The following WWOX variants were observed in gnomAD, a reference collection of about 807,000 sequenced individuals.
WWOX encodes the protein WW domain-containing oxidoreductase.
WWOX carries 69 observed loss-of-function variants against 46.2 expected under a neutral mutation model. That is an observed-to-expected ratio of 1.49 (90% CI 1.23 to 1.82). The LOEUF (loss-of-function observed/expected upper bound fraction) is 1.82, where lower values mean the gene tolerates loss of function less well. Among genes scored for constraint, WWOX ranks in the 40% most tolerant of loss-of-function variants. WWOX has a pLI of 0.00. For synonymous variants in WWOX, 359 were observed against 202.6 expected (o/e 1.77, Z -6.56); for missense variants, 919 against 542.6 (o/e 1.69, Z -6.89).
At chr16:78,705,258 G>A (rs1346723071) in intron 8 of WWOX, among the ~76,000 whole-genome samples, 1 of 152,040 alleles carries the variant, frequency 6.6e-6, no homozygotes, top group East Asian at 1.9e-4. Context: ...TATGCATATT[G>A]TTTACATTTA....
At chr16:78,844,788 C>A (rs2052254535) in intron 8 of WWOX, among the ~76,000 whole-genome samples, 1 of 152,266 alleles carries the variant, frequency 6.6e-6, no homozygotes, top group Middle Eastern at 3.4e-3. Context: ...ATTTATGTAT[C>A]CCCGGCCAGA....
chr16:78,842,369 G>A, intron 8 of WWOX, among the ~76,000 whole-genome samples: 1 of 151,918 alleles, frequency 6.6e-6, no homozygotes, highest in East Asian at 1.9e-4. Context: ...TGGGCTTGGT[G>A]GTGCACACCT....
chr16:78,949,116 C>G (rs896300143), intron 8 of WWOX, among the ~76,000 whole-genome samples: 6 of 152,160 alleles, frequency 3.9e-5, no homozygotes, highest in Non-Finnish European at 7.3e-5. Flanking sequence ...AGTTCTGCAA[C>G]TGCATGGAGC....
At chr16:78,652,613 T>C (rs1319145324) in intron 8 of WWOX, among the ~76,000 whole-genome samples, 4 of 152,142 alleles carry the variant, frequency 2.6e-5, no homozygotes, top group African/African-American at 9.7e-5. Context: ...CCTGGACAGC[T>C]CCTGCCATCA....
In WWOX at chr16:78,424,944, C is replaced by A; in HGVS notation, c.680C>A (p.Thr227Asn). 2 of 1,614,120 alleles carry A rather than the reference C, an allele frequency of 1.2e-6. No individual in the cohort carries two copies. The highest frequency in any genetic ancestry group is 1.7e-6 in the Non-Finnish European group (2 of 1,180,032). The part of the protein sequence containing the change: ...PWSLTKDGLE[T>N]TFQVNHLGHF... ...AGTCTCACCAAAGATGGCCTGGAGA[C>A]CACCTTTCAAGTGAATCATCTGGGG... is the stretch of plus-strand genomic sequence containing the variant. Residue 227 changes from threonine to asparagine, a missense_variant, in exon 7 of 9, where the codon ACC becomes AAC. By Grantham distance (65) the Thr-to-Asn change is moderately conservative. Coordinates refer to ENST00000566780, the MANE Select transcript of WWOX (RefSeq NM_016373.4).
At chr16:78,841,463 A>G (rs2052147803) in intron 8 of WWOX, among the ~76,000 whole-genome samples, 1 of 152,214 alleles carries the variant, frequency 6.6e-6, no homozygotes, top group Non-Finnish European at 1.5e-5. Flanking sequence ...GACCGTGGTG[A>G]GAATATTTAC....
chr16:78,631,290 T>C (rs570375331), intron 8 of WWOX, among the ~76,000 whole-genome samples: 80 of 152,220 alleles, frequency 5.3e-4, no homozygotes, highest in African/African-American at 1.9e-3. Flanking sequence ...CTCCGTGGCT[T>C]GTGTCAAGGC....
intron 8 of WWOX, among the ~76,000 whole-genome samples, chr16:78,808,817 A>T (rs539345816): frequency 6.6e-6 from 1 of 152,238 alleles, no homozygotes; most frequent in African/African-American, 2.4e-5. Context: ...CTAAACTGCT[A>T]TTTTATGTCC....
intron 8 of WWOX, among the ~76,000 whole-genome samples, chr16:78,859,849 A>T (rs1567609148): frequency 6.6e-6 from 1 of 152,034 alleles, no homozygotes; most frequent in Non-Finnish European, 1.5e-5. Context: ...TTTTTTTTTT[A>T]AAGACATTAT....
At chr16:78,167,952 A>G (rs2035027527) in intron 5 of WWOX, 1 of 152,088 alleles carries the variant, frequency 6.6e-6, no homozygotes, top group Admixed American at 6.5e-5. Flanking sequence ...TCAATTTGAT[A>G]GACTCCAATT....
At chr16:79,184,736 A>G (rs1021809832) in intron 8 of WWOX, among the ~76,000 whole-genome samples, 1 of 152,234 alleles carries the variant, frequency 6.6e-6, no homozygotes, top group Non-Finnish European at 1.5e-5. Flanking sequence ...AGGAAGACAA[A>G]TAGCCAAGAT....
At chr16:78,862,126 C>T (rs1049523360) in intron 8 of WWOX, among the ~76,000 whole-genome samples, 2 of 137,552 alleles carry the variant, frequency 1.5e-5, no homozygotes, top group Non-Finnish European at 3.4e-5. Context: ...ATGGGTGTGT[C>T]TATCTATATC....
intron 8 of WWOX, among the ~76,000 whole-genome samples, chr16:78,453,380 G>A (rs1011125051): frequency 2.0e-5 from 3 of 150,662 alleles, no homozygotes; most frequent in African/African-American, 2.4e-5. Context: ...TGGAGATCAC[G>A]CCACAGCACT....
intron 8 of WWOX, among the ~76,000 whole-genome samples, chr16:78,528,122 C>T (rs1235181071): frequency 6.9e-6 from 1 of 145,694 alleles, no homozygotes; most frequent in Non-Finnish European, 1.5e-5. Context: ...CCTCAGCCTC[C>T]CGAGTAGCTG....
chr16:78,869,442 C>A (rs556316011), intron 8 of WWOX, among the ~76,000 whole-genome samples: 1 of 152,342 alleles, frequency 6.6e-6, no homozygotes, highest in East Asian at 1.9e-4. Context: ...GTCACCAACA[C>A]AAGTTTATAC....
intron 8 of WWOX, among the ~76,000 whole-genome samples, chr16:79,076,998 A>T (rs977696171): frequency 2.6e-5 from 4 of 152,208 alleles, no homozygotes; most frequent in Admixed American, 6.5e-5. Context: ...GTTGAACTGT[A>T]TGAAATGACT....
At chr16:78,423,612 G>A (rs754365037) in intron 6 of WWOX, among the ~76,000 whole-genome samples, 6 of 152,062 alleles carry the variant, frequency 3.9e-5, no homozygotes, top group African/African-American at 9.7e-5. Context: ...AGGATTGCTT[G>A]AGACCAGGAA....
At position 78,109,812 on chromosome 16, in the gene WWOX, G is replaced by C. The variant is rs753278958; in HGVS notation, c.207G>C (p.Glu69Asp). ...LPYGWEQETD[E>D]NGQVFFVDHI... ...ACGGATGGGAACAAGAAACTGATGA[G>C]AACGGACAAGTGTTTTTTGTTGAGT... is the stretch of plus-strand genomic sequence containing the variant. The change falls in exon 3 of 9, where the codon GAG (glutamate) becomes GAC (aspartate). Residue 69 changes from glutamate to aspartate, a missense_variant. Transcript: ENST00000566780. 6.2e-7 allele frequency: 1 copy of C among 1,614,200 alleles called. No individual in the cohort carries two copies. Among genetic ancestry groups the C allele is most frequent in the African/African-American group, 1.3e-5 (1 of 75,050 alleles).
chr16:79,117,016 G>A (rs188961154), intron 8 of WWOX, among the ~76,000 whole-genome samples: 27 of 151,922 alleles, frequency 1.8e-4, no homozygotes, highest in Middle Eastern at 3.4e-3. Context: ...TCTTAGGTAC[G>A]AGGTACATTG....
Sources: gnomAD v4.1 joint callset for allele counts (sites outside exome capture counted in the v4.1 genomes callset) on GRCh38, gnomAD v4.1.1 for gene constraint, MANE v1.5 for transcripts, NCBI Gene and HGNC (gene_info 2026-07-23, HGNC 2026-07-21) for gene names.